Variants in PPP1R1C observed in about 807,000 individuals in gnomAD.
PPP1R1C encodes the protein protein phosphatase 1 regulatory subunit 1C.
In PPP1R1C, 15 loss-of-function variants were observed where a neutral mutation model predicts 17.4. That is an observed-to-expected ratio of 0.86 (90% CI 0.58 to 1.33). The LOEUF (loss-of-function observed/expected upper bound fraction) is 1.33, where lower values mean the gene tolerates loss of function less well. PPP1R1C is among the 40% of genes most tolerant of loss of function. The pLI is 0.00. For missense variants in PPP1R1C, 143 were observed against 130.0 expected (o/e 1.10, Z -0.48); for synonymous variants, 35 against 43.1 (o/e 0.81, Z 0.73).
intron 2 of PPP1R1C, among the ~76,000 whole-genome samples, chr2:181,975,645 A>G (rs2125135163): frequency 6.6e-6 from 1 of 151,804 alleles, no homozygotes. Flanking sequence ...TTCTCTTTTT[A>G]TTTTTTATTT....
intron 4 of PPP1R1C, among the ~76,000 whole-genome samples, chr2:182,075,778 T>A (rs1386033850): frequency 6.6e-6 from 1 of 152,254 alleles, no homozygotes; most frequent in Non-Finnish European, 1.5e-5. Context: ...CAGGTTAAAC[T>A]ATGAAGTCTG....
intron 5 of PPP1R1C, among the ~76,000 whole-genome samples, chr2:182,123,350 T>C (rs1391813981): frequency 6.6e-6 from 1 of 152,234 alleles, no homozygotes; most frequent in East Asian, 1.9e-4. Context: ...TGATTTATAA[T>C]CCTTTAGGTA....
chr2:182,055,563 C>A (rs1687658139), intron 2 of PPP1R1C, among the ~76,000 whole-genome samples: 1 of 152,076 alleles, frequency 6.6e-6, no homozygotes, highest in African/African-American at 2.4e-5. Context: ...CTGGCAAATT[C>A]TCTTGGTTTC....
intron 2 of PPP1R1C, among the ~76,000 whole-genome samples, chr2:182,047,343 A>T (rs1244236465): frequency 6.6e-6 from 1 of 152,218 alleles, no homozygotes; most frequent in Admixed American, 6.5e-5. Context: ...TTGGAAAAGG[A>T]TTAAATGCAC....
chr2:182,099,157 C>T (rs1689028051), intron 4 of PPP1R1C, among the ~76,000 whole-genome samples: 1 of 152,152 alleles, frequency 6.6e-6, no homozygotes, highest in African/African-American at 2.4e-5. Flanking sequence ...GTGATGTTGA[C>T]TTGTCAAGAG....
chr2:182,013,862 C>G (rs1686164176), intron 2 of PPP1R1C, among the ~76,000 whole-genome samples: 1 of 152,098 alleles, frequency 6.6e-6, no homozygotes, highest in Admixed American at 6.5e-5. Flanking sequence ...TTTTTCAGCT[C>G]TAGAATTTCT....
In PPP1R1C at chr2:182,053,778, T is replaced by TTTA. The variant is rs1193820390; in HGVS notation, c.143-7662_143-7661insATT. ...AGATTTTTATTTATTTATTTATTTATTTTATTTATTTATTCTTTTGAGACA... is the reference window on the plus strand; with the variant it reads ...AGATTTTTATTTATTTATTTATTTATTTATTTATTTATTTATTCTTTTGAGACA... On this transcript the variant is annotated intron_variant, in intron 2 of 4. Coordinates refer to ENST00000682840, the MANE Select transcript of PPP1R1C (RefSeq NM_001080545.3). 1.7e-3 allele frequency among the ~76,000 whole-genome samples: 252 copies of TTTA among 149,050 alleles called. 2 individuals carry two copies. The highest frequency in any genetic ancestry group is 4.2e-3 in the Admixed American group (64 of 15,118).
chr2:182,086,403 A>C (rs1045005881), intron 4 of PPP1R1C, among the ~76,000 whole-genome samples: 2 of 152,198 alleles, frequency 1.3e-5, no homozygotes, highest in Non-Finnish European at 2.9e-5. Context: ...ACTTTGTAAG[A>C]GTGTGGGAAA....
At chr2:182,047,191 T>A (rs1369861732) in intron 2 of PPP1R1C, among the ~76,000 whole-genome samples, 1 of 152,186 alleles carries the variant, frequency 6.6e-6, no homozygotes, top group Admixed American at 6.5e-5. Context: ...CATAAGACTT[T>A]ATTTGGAGAC....
At chr2:182,019,613 A>G (rs570156295) in intron 2 of PPP1R1C, among the ~76,000 whole-genome samples, 3 of 152,320 alleles carry the variant, frequency 2.0e-5, no homozygotes, top group African/African-American at 7.2e-5. Context: ...GTTTTTACTT[A>G]TAGCTCTTTT....
chr2:181,969,513 C>T (rs532988436), intron 1 of PPP1R1C, among the ~76,000 whole-genome samples: 4 of 152,030 alleles, frequency 2.6e-5, no homozygotes, highest in Middle Eastern at 3.4e-3. Context: ...TTTCTTTTTC[C>T]CTCTTGCTAC....
intron 2 of PPP1R1C, among the ~76,000 whole-genome samples, chr2:182,006,729 C>T (rs1336152605): frequency 3.3e-5 from 5 of 152,164 alleles, no homozygotes; most frequent in Admixed American, 3.3e-4. Context: ...GAAGTTGAAA[C>T]ACAACCCTGT....
At chr2:181,984,518 C>T (rs966351745), upstream of PPP1R1C, among the ~76,000 whole-genome samples, 26 of 152,188 alleles carry the variant, frequency 1.7e-4, no homozygotes, top group Non-Finnish European at 2.6e-4. Flanking sequence ...CGACACTACA[C>T]GGATAAACTC....
At chr2:181,969,035 C>T (rs577178396) in intron 1 of PPP1R1C, among the ~76,000 whole-genome samples, 1 of 152,062 alleles carries the variant, frequency 6.6e-6, no homozygotes, top group African/African-American at 2.4e-5. Flanking sequence ...TCTGTTATTT[C>T]TATTTGTGTC....
chr2:182,015,310 C>A (rs1416326684), intron 2 of PPP1R1C, among the ~76,000 whole-genome samples: 1 of 152,156 alleles, frequency 6.6e-6, no homozygotes, highest in African/African-American at 2.4e-5. Flanking sequence ...ATTCTCTCTT[C>A]CCTGCTGCCA....
chr2:181,988,513 T>C (rs182448003), intron 2 of PPP1R1C, among the ~76,000 whole-genome samples: 25 of 152,368 alleles, frequency 1.6e-4, no homozygotes, highest in Admixed American at 1.4e-3. Flanking sequence ...CTATGATCTG[T>C]AATCCACAAA....
chr2:182,006,855 A>G lies in PPP1R1C; in HGVS notation c.142+18956A>G, dbSNP rs931658516. Reference sequence around the variant, plus strand: ...TGTAATGTTAGGATTTCAACTGGTTAATCTGCCTTCTTATTGCTTGTTGAT... The same window carrying G: ...TGTAATGTTAGGATTTCAACTGGTTGATCTGCCTTCTTATTGCTTGTTGAT... On this transcript the variant is annotated intron_variant, in intron 2 of 4. Coordinates refer to ENST00000682840, the MANE Select transcript of PPP1R1C (RefSeq NM_001080545.3). Among the ~76,000 whole-genome samples, 3 of 152,186 alleles carry G rather than the reference A, an allele frequency of 2.0e-5. No individual in the cohort carries two copies. The East Asian group carries it at 5.8e-4, about 29-fold the overall frequency.
intron 4 of PPP1R1C, among the ~76,000 whole-genome samples, chr2:182,079,194 T>G (rs7579701): frequency 6.6e-5 from 10 of 152,002 alleles, no homozygotes; most frequent in Admixed American, 4.6e-4. Flanking sequence ...GAGGTTGTCA[T>G]AGATTATTAC....
intron 4 of PPP1R1C, among the ~76,000 whole-genome samples, chr2:182,071,433 C>T (rs567494618): frequency 1.3e-5 from 2 of 152,166 alleles, no homozygotes; most frequent in Middle Eastern, 3.2e-3. Flanking sequence ...TCCCATGATA[C>T]GAGGGGCACA....
Sources: gnomAD v4.1 joint callset for allele counts (sites outside exome capture counted in the v4.1 genomes callset) on GRCh38, gnomAD v4.1.1 for gene constraint, MANE v1.5 for transcripts, NCBI Gene and HGNC (gene_info 2026-07-23, HGNC 2026-07-21) for gene names.